Variants in NCBP1 observed in about 807,000 individuals in gnomAD.
NCBP1 encodes nuclear cap binding protein subunit 1, also known as nuclear cap-binding protein subunit 1.
A neutral mutation model predicts 111.7 loss-of-function variants in NCBP1; 16 were observed. The ratio of observed to expected loss-of-function variants is 0.14; its 90% CI spans 0.10 to 0.22. The LOEUF is 0.22. Ranked by LOEUF, NCBP1 falls within the 10% of genes least tolerant of loss-of-function variation. The pLI is 1.00. For missense variants in NCBP1, 607 were observed against 957.5 expected, an observed-to-expected ratio of 0.63 and a Z score of 4.83; for synonymous variants, 304 against 314.3, an observed-to-expected ratio of 0.97 and a Z score of 0.35.
chr9:97,651,867 A>T (rs943027825), intron 10 of NCBP1, among the ~76,000 whole-genome samples: 2 of 152,318 alleles, frequency 1.3e-5, no homozygotes, highest in South Asian at 4.1e-4. Flanking sequence ...AGAGCCAAGC[A>T]GTTTAGAAAT....
At position 97,670,089 on chromosome 9, in the gene NCBP1, A is replaced by G. The variant is rs563532486; in HGVS notation, c.2259+383A>G. On this transcript the variant is annotated intron_variant, in intron 22 of 22. Coordinates refer to ENST00000375147, the MANE Select transcript of NCBP1 (RefSeq NM_002486.5). ...AGGCACCCGTCACTACTCCTGCCTG[A>G]TTTTTGTATTTTTAGTAGGGACAGA... 261 of 329,548 alleles carry G rather than the reference A, an allele frequency of 7.9e-4. 3 individuals carry two copies. The highest frequency in any genetic ancestry group is 5.3e-3 in the African/African-American group (249 of 46,608). The allele number at this position is 329,548 out of a possible 1,614,324, so 20.4% of individuals were successfully genotyped here.
chr9:97,639,764 A>G (rs551232734), intron 1 of NCBP1, among the ~76,000 whole-genome samples: 1 of 152,296 alleles, frequency 6.6e-6, no homozygotes, highest in South Asian at 2.1e-4. Flanking sequence ...TTATACCACA[A>G]AAGGACTTAG....
chr9:97,659,468 A>G (rs1385677223), intron 15 of NCBP1, among the ~76,000 whole-genome samples: 1 of 152,156 alleles, frequency 6.6e-6, no homozygotes, highest in African/African-American at 2.4e-5. Context: ...TTTTCCTTGA[A>G]ATGAACTGTG....
chr9:97,648,487 G>A (rs73498348), intron 8 of NCBP1, among the ~76,000 whole-genome samples: 1 of 151,994 alleles, frequency 6.6e-6, no homozygotes, highest in Non-Finnish European at 1.5e-5. Context: ...TTAGAGCTAC[G>A]TTGGTTTGTG....
chr9:97,642,750 C>G (rs1380402582), intron 3 of NCBP1, among the ~76,000 whole-genome samples: 2 of 152,082 alleles, frequency 1.3e-5, no homozygotes, highest in East Asian at 3.9e-4. Flanking sequence ...AAGTAGAATT[C>G]TAGTTCCATG....
chr9:97,639,755 T>A (rs536135613), intron 1 of NCBP1, among the ~76,000 whole-genome samples: 1 of 152,270 alleles, frequency 6.6e-6, no homozygotes, highest in South Asian at 2.1e-4. Context: ...AGCTTTATGT[T>A]ATACCACAAA....
chr9:97,655,667 C>CT (rs764487416), intron 12 of NCBP1, 35 bp from the exon 13 acceptor site: 20 of 1,552,462 alleles, frequency 1.3e-5, no homozygotes, highest in Non-Finnish European at 1.8e-5. Flanking sequence ...GTTATTCTTC[C>CT]TTTTTCTCTG....
chr9:97,669,126 C>A, intron 21 of NCBP1, 152 bp downstream of exon 21: 2 of 897,470 alleles, frequency 2.2e-6, no homozygotes, highest in African/African-American at 1.7e-5. Flanking sequence ...AATAAAAGTT[C>A]ACTACTCAGA....
intron 14 of NCBP1, among the ~76,000 whole-genome samples, chr9:97,656,433 G>A (rs1326091142): frequency 6.6e-6 from 1 of 152,140 alleles, no homozygotes; most frequent in Non-Finnish European, 1.5e-5. Context: ...ATAAAAATTT[G>A]CGAGGCGTGT....
chr9:97,638,875 T>C (rs905221176), intron 1 of NCBP1, among the ~76,000 whole-genome samples: 1 of 152,210 alleles, frequency 6.6e-6, no homozygotes, highest in Non-Finnish European at 1.5e-5. Flanking sequence ...ATCTACACCC[T>C]GTTGAGAACT....
At chr9:97,645,288 C>G (rs1827304228) in intron 5 of NCBP1, 64 bp downstream of exon 5, 1 of 1,219,146 alleles carries the variant, frequency 8.2e-7, no homozygotes, top group East Asian at 2.3e-5. Flanking sequence ...CCTGGTACTT[C>G]CATATAGTAC....
At position 97,653,868 on chromosome 9, in the gene NCBP1, T is replaced by C. The variant is rs1266547389; in HGVS notation, c.1130T>C (p.Ile377Thr). 4.3e-6 allele frequency: 7 copies of C among 1,613,976 alleles called. No individual in the cohort carries two copies. Among genetic ancestry groups the C allele is most frequent in the South Asian group, 1.1e-5 (1 of 91,078 alleles). The change falls in exon 11 of 23, where the codon ATT becomes ACT. Residue 377 changes from isoleucine to threonine, a missense_variant. By Grantham distance (89) the Ile-to-Thr change is moderately conservative. Coordinates refer to ENST00000375147, the MANE Select transcript of NCBP1 (RefSeq NM_002486.5). ...HIDVMYTTLL[I>T]ELCKLQPGSL... ...GATGTGATGTACACAACACTCCTCA[T>C]TGAACTGTGCAAACTTCAACCTGGC...
rs1330202760 is a variant in NCBP1, at chr9:97,653,899, A to C, written c.1161A>C (p.Leu387=). The change falls in exon 11 of 23, where the codon CTA becomes CTC. Residue 387 remains leucine (L), a synonymous_variant. Transcript: ENST00000375147. ...TGTGCAAACTTCAACCTGGCTCTCT[A>C]CCCCAAGTTGTATCCTTTTCTTTAT... The part of the protein sequence containing the change: ...IELCKLQPGS[L]PQVLAQATEM... 6.2e-7 allele frequency: 1 copy of C among 1,609,284 alleles called. No individual in the cohort carries two copies. Among genetic ancestry groups the C allele is most frequent in the African/African-American group, 1.3e-5 (1 of 74,834 alleles).
At chr9:97,649,071 A>AT (rs1264199242) in intron 8 of NCBP1, among the ~76,000 whole-genome samples, 1 of 152,202 alleles carries the variant, frequency 6.6e-6, no homozygotes, top group East Asian at 1.9e-4. Context: ...TCTCTAGGCA[A>AT]CACAGCCTGT....
intron 4 of NCBP1, 62 bp downstream of exon 4, chr9:97,643,422 T>G: frequency 4.7e-5 from 65 of 1,380,014 alleles, no homozygotes; most frequent in Non-Finnish European, 6.1e-5. Flanking sequence ...AAAGGTGAAC[T>G]ACAACCAAAT....
chr9:97,659,155 C>G (rs1827756082), intron 15 of NCBP1, among the ~76,000 whole-genome samples: 1 of 152,200 alleles, frequency 6.6e-6, no homozygotes, highest in South Asian at 2.1e-4. Context: ...GATTTTCTTA[C>G]CTTTTGGTCA....
Position 97,650,444 on chromosome 9 carries a change from A to G in NCBP1, c.898-59A>G, listed in dbSNP as rs1827468549. 1.1e-5 allele frequency: 14 copies of G among 1,276,642 alleles called. No individual in the cohort carries two copies. The East Asian group carries it at 1.4e-4, about 13-fold the overall frequency. The allele number at this position is 1,276,642 out of a possible 1,614,324, so 79.1% of individuals were successfully genotyped here. On this transcript the variant is annotated intron_variant, in intron 8 of 22. Transcript: ENST00000375147. ...TAATAGTCTCTCAAATATTTGTTGA[A>G]TAAGTAAAAGAAATCTGTTTTCTAG... is the stretch of plus-strand genomic sequence containing the variant.
At chr9:97,660,899 C>A (rs775167872) in intron 15 of NCBP1, 47 bp from the exon 16 acceptor site, 1 of 1,566,416 alleles carries the variant, frequency 6.4e-7, no homozygotes, top group South Asian at 1.2e-5. Flanking sequence ...TTAGAATAGT[C>A]TTGAAACCTG....
intron 10 of NCBP1, among the ~76,000 whole-genome samples, chr9:97,652,377 C>A (rs2773352): frequency 6.6e-6 from 1 of 152,256 alleles, no homozygotes; most frequent in Non-Finnish European, 1.5e-5. Flanking sequence ...CAGCAATTTG[C>A]GGGGCTCAGG....
Sources: gnomAD v4.1 joint callset for allele counts (sites outside exome capture counted in the v4.1 genomes callset) on GRCh38, gnomAD v4.1.1 for gene constraint, MANE v1.5 for transcripts, NCBI Gene and HGNC (gene_info 2026-07-23, HGNC 2026-07-21) for gene names.